ANLN: variants seen among roughly 807,000 people sequenced by gnomAD.
ANLN encodes the protein anillin, actin binding protein.
A neutral mutation model predicts 135.1 loss-of-function variants in ANLN; 59 were observed. The observed-to-expected ratio is 0.44, with a 90% CI of 0.35 to 0.54. The LOEUF (loss-of-function observed/expected upper bound fraction) is 0.54, where lower values mean the gene tolerates loss of function less well. Among genes scored for constraint, ANLN ranks in the 20% least tolerant of loss-of-function variants. The pLI, the probability that ANLN is intolerant of heterozygous loss-of-function variation, is 0.00. For missense variants in ANLN, 1,182 were observed against 1,340.0 expected (o/e 0.88, Z 1.84); for synonymous variants, 406 against 456.4 (o/e 0.89, Z 1.41).
rs1787770944 is a variant in ANLN, at chr7:36,419,265, T to A, written c.1655T>A (p.Met552Lys). The A allele has an allele frequency of 3.1e-6, 5 of 1,613,492 alleles. No individual in the cohort carries two copies. Among genetic ancestry groups the A allele is most frequent in the Non-Finnish European group, 3.4e-6 (4 of 1,179,504 alleles). The part of the protein sequence containing the change: ...QKIEVIREIE[M>K]SVDDDDINSS... ...TCAGAAGTGATACGTGAAATTGAGA[T>A]GAGTGTGGATGATGATGATATCAAT... Residue 552 changes from methionine to lysine, a missense_variant, in exon 10 of 24, where the codon ATG becomes AAG. By Grantham distance (95) the Met-to-Lys change is moderately conservative. Around this residue, in one of 3 missense-constraint regions of ANLN, gnomAD observed 1,022 missense variants for 1,134.0 expected, o/e 0.90. Coordinates refer to ENST00000265748, the MANE Select transcript of ANLN (RefSeq NM_018685.5).
At chr7:36,419,934 C>T (rs557075153) in intron 10 of ANLN, among the ~76,000 whole-genome samples, 43 of 152,158 alleles carry the variant, frequency 2.8e-4, no homozygotes, top group Non-Finnish European at 5.7e-4. Context: ...TGAATAACTG[C>T]AGCTCTGGGG....
At chr7:36,405,794 G>C (rs1787161615) in intron 3 of ANLN, among the ~76,000 whole-genome samples, 1 of 152,032 alleles carries the variant, frequency 6.6e-6, no homozygotes, top group African/African-American at 2.4e-5. Context: ...TTACTGTATT[G>C]AACAATCAAA....
At chr7:36,426,637 CTT>C (rs1788089931) in intron 19 of ANLN, among the ~76,000 whole-genome samples, 1 of 152,088 alleles carries the variant, frequency 6.6e-6, no homozygotes, top group Non-Finnish European at 1.5e-5. Flanking sequence ...GCACTGAAGT[CTT>C]TTCCATGTTT....
chr7:36,419,976 A>G (rs1197107802), intron 10 of ANLN, among the ~76,000 whole-genome samples, 193 bp from the exon 11 acceptor site: 1 of 152,084 alleles, frequency 6.6e-6, no homozygotes, highest in African/African-American at 2.4e-5. Flanking sequence ...TTTTTGAAGT[A>G]TAAGTTTCAG....
rs1438323344 is a variant in ANLN, at chr7:36,407,759, C to T, written c.899C>T (p.Thr300Ile). Residue 300 changes from threonine (T) to isoleucine (I), a missense_variant, in exon 5 of 24, where the codon ACT becomes ATT. Transcript: ENST00000265748. The part of the protein sequence containing the change: ...SVKATSPVKS[T>I]TSITDAKSCE... ...AAAGCTACTTCTCCAGTGAAATCTA[C>T]TACATCTATCACTGATGCTAAAAGT... The T allele has an allele frequency of 6.2e-7, 1 of 1,613,318 alleles. No homozygotes were observed. The highest frequency in any genetic ancestry group is 8.5e-7 in the Non-Finnish European group (1 of 1,179,382).
At chr7:36,443,062 G>A (rs774419308) in intron 21 of ANLN, among the ~76,000 whole-genome samples, 8 of 152,150 alleles carry the variant, frequency 5.3e-5, no homozygotes, top group African/African-American at 1.7e-4. Flanking sequence ...AAGTGGAAGT[G>A]CTTCCGTGGA....
intron 20 of ANLN, among the ~76,000 whole-genome samples, chr7:36,436,922 C>T (rs1157913261): frequency 6.6e-6 from 1 of 152,138 alleles, no homozygotes; most frequent in Non-Finnish European, 1.5e-5. Flanking sequence ...CAAACCATTC[C>T]ATAGACTGTC....
chr7:36,431,655 A>G (rs1320956586), intron 20 of ANLN, among the ~76,000 whole-genome samples: 1 of 138,690 alleles, frequency 7.2e-6, no homozygotes, highest in East Asian at 2.1e-4. Context: ...TCTTGATTTC[A>G]GGGACAAATC....
At chr7:36,415,656 A>G (rs1255639226) in intron 7 of ANLN, 102 bp from the exon 8 acceptor site, 2 of 1,285,446 alleles carry the variant, frequency 1.6e-6, no homozygotes, top group Non-Finnish European at 2.1e-6. Flanking sequence ...GGAAACTTAT[A>G]CAGAATAATA....
chr7:36,444,319 G>GGTGT (rs375976504), intron 22 of ANLN, among the ~76,000 whole-genome samples: 5,339 of 149,276 alleles, frequency 0.036, 117 homozygotes, highest in African/African-American at 0.055. Context: ...TTTTGTTGTA[G>GGTGT]GTGTGTGTGT....
Position 36,390,133 on chromosome 7 carries a change from C to T in ANLN, c.18+89C>T, listed in dbSNP as rs531540441. Reference sequence around the variant, plus strand: ...CTGTCAACCTCTGGGCGAACCCCCACCGGGCGGAGGGCGCGTGTGTGCGCG... The same window carrying T: ...CTGTCAACCTCTGGGCGAACCCCCATCGGGCGGAGGGCGCGTGTGTGCGCG... On this transcript the variant is annotated intron_variant, in intron 1 of 23. Transcript: ENST00000265748. 6.9e-6 allele frequency: 11 copies of T among 1,599,312 alleles called. No homozygotes were observed. In the South Asian group the frequency reaches 1.2e-4, roughly 18 times the overall value.
rs1028727511 is a variant in ANLN, at chr7:36,417,005, CA to C, written c.1523-74del. On this transcript the variant is annotated intron_variant, in intron 8 of 23. Transcript: ENST00000265748. ...TAGTTTTATAATCAGAAAAAAAAAA[CA>C]CACACAAGATTCCATAATTAGAAAA... The C allele has an allele frequency of 4.4e-5, 26 of 587,124 alleles. No homozygotes were observed. The East Asian group carries it at 6.4e-4, about 14-fold the overall frequency. The allele number at this position is 587,124 out of a possible 1,614,324, so 36.4% of individuals were successfully genotyped here. A position where few individuals can be genotyped will look rare whatever the true frequency, so the allele number is the denominator to read the frequency against.
At chr7:36,451,866 A>G (rs1789259232) in intron 23 of ANLN, among the ~76,000 whole-genome samples, 1 of 152,210 alleles carries the variant, frequency 6.6e-6, no homozygotes, top group African/African-American at 2.4e-5. Context: ...TTATTTAGTC[A>G]ACTTGTAGCT....
intron 20 of ANLN, among the ~76,000 whole-genome samples, chr7:36,435,895 AAAAAAAAG>A (rs1788527393): frequency 2.7e-5 from 4 of 150,486 alleles, no homozygotes; most frequent in African/African-American, 9.7e-5. Context: ...AAAAAAAAAA[AAAAAAAAG>A]ATTTATCCAT....
At chr7:36,394,019 G>A (rs1331784971) in intron 1 of ANLN, among the ~76,000 whole-genome samples, 2 of 152,076 alleles carry the variant, frequency 1.3e-5, no homozygotes, top group African/African-American at 2.4e-5. Flanking sequence ...GTGCAGTAGC[G>A]ATCACAGCTC....
intron 20 of ANLN, among the ~76,000 whole-genome samples, chr7:36,427,952 G>A (rs1788155048): frequency 6.6e-6 from 1 of 152,076 alleles, no homozygotes; most frequent in African/African-American, 2.4e-5. Context: ...TTTCTGTAGT[G>A]CGAATATAGA....
intron 20 of ANLN, among the ~76,000 whole-genome samples, chr7:36,435,385 T>TGGG (rs112527351): frequency 2.1e-5 from 3 of 143,326 alleles, no homozygotes; most frequent in Non-Finnish European, 3.1e-5. Flanking sequence ...ATAGAGATGG[T>TGGG]GGGGGGGGGG....
chr7:36,428,367 A>G (rs1788172908), intron 20 of ANLN: 2 of 1,282,230 alleles, frequency 1.6e-6, no homozygotes, highest in African/African-American at 1.5e-5. Context: ...AAAGGTTGCC[A>G]TTATTTTCTT....
chr7:36,448,624 C>CT (rs1479079194), intron 22 of ANLN, among the ~76,000 whole-genome samples: 5 of 152,112 alleles, frequency 3.3e-5, no homozygotes, highest in Non-Finnish European at 7.4e-5. Context: ...GATTTTTCTA[C>CT]TTTCTTGTCA....
Sources: gnomAD v4.1 joint callset for allele counts (sites outside exome capture counted in the v4.1 genomes callset) on GRCh38, gnomAD v4.1.1 for gene constraint, gnomAD v4.1.1 regional missense constraint, MANE v1.5 for transcripts, NCBI Gene and HGNC (gene_info 2026-07-23, HGNC 2026-07-21) for gene names.